RAP2A: variants seen among roughly 807,000 people sequenced by gnomAD.
RAP2A encodes RAP2A, member of RAS oncogene family.
A neutral mutation model predicts 15.1 loss-of-function variants in RAP2A; 5 were observed. That is an observed-to-expected ratio of 0.33 (90% CI 0.17 to 0.70). The LOEUF (loss-of-function observed/expected upper bound fraction) is 0.70. Ranked by LOEUF, RAP2A falls within the 30% of genes least tolerant of loss-of-function variation. The pLI is 0.68. For synonymous variants in RAP2A, 110 were observed against 99.7 expected (o/e 1.10, Z -0.62); for missense variants, 111 against 240.3 (o/e 0.46, Z 3.56).
At chr13:97,443,584 A>T (rs2066666867) in intron 1 of RAP2A, among the ~76,000 whole-genome samples, 1 of 152,012 alleles carries the variant, frequency 6.6e-6, no homozygotes, top group Non-Finnish European at 1.5e-5. Flanking sequence ...TAGAGATGGG[A>T]TCTTGTTATT....
intron 1 of RAP2A, among the ~76,000 whole-genome samples, chr13:97,459,318 C>T (rs2066736960): frequency 6.6e-6 from 1 of 151,882 alleles, no homozygotes; most frequent in East Asian, 1.9e-4. Flanking sequence ...ATGAAGGCAA[C>T]CTGCAAAACT....
At chr13:97,447,985 TC>T (rs1377124671) in intron 1 of RAP2A, among the ~76,000 whole-genome samples, 3 of 151,824 alleles carry the variant, frequency 2.0e-5, no homozygotes, top group Non-Finnish European at 4.4e-5. Context: ...TTTTTTTTTT[TC>T]TTTTTTCTTT....
At chr13:97,448,807 A>C (rs1016493662) in intron 1 of RAP2A, among the ~76,000 whole-genome samples, 41 of 152,192 alleles carry the variant, frequency 2.7e-4, no homozygotes, top group African/African-American at 9.4e-4. Flanking sequence ...GAGTTTTATT[A>C]CTTGGTGCTA....
At position 97,460,766 on chromosome 13, in the gene RAP2A, G is replaced by C. The variant is rs185085822; in HGVS notation, c.315-3439G>C. ...CAGTATATTCTCTCGAGTGCCCGCTGTTTGGGAATGCTTGCTTTTCTGCTT... is the reference window on the plus strand; with the variant it reads ...CAGTATATTCTCTCGAGTGCCCGCTCTTTGGGAATGCTTGCTTTTCTGCTT... On this transcript the variant is annotated intron_variant, in intron 1 of 1. Transcript: ENST00000245304. 7.2e-5 allele frequency among the ~76,000 whole-genome samples: 11 copies of C among 152,294 alleles called. No individual in the cohort carries two copies. In the East Asian group the frequency reaches 2.1e-3, roughly 29 times the overall value.
intron 1 of RAP2A, chr13:97,437,126 CAT>C (rs957986792): frequency 2.0e-5 from 3 of 152,150 alleles, no homozygotes; most frequent in African/African-American, 4.8e-5. Flanking sequence ...TTAAAAATAA[CAT>C]AAATATATGG....
At chr13:97,463,068 G>A (rs1439881347) in intron 1 of RAP2A, among the ~76,000 whole-genome samples, 1 of 152,064 alleles carries the variant, frequency 6.6e-6, no homozygotes, top group African/African-American at 2.4e-5. Context: ...TTGCTGTTTA[G>A]CTCCTTTAAA....
chr13:97,437,594 T>C (rs2066639854), intron 1 of RAP2A: 1 of 152,250 alleles, frequency 6.6e-6, no homozygotes, highest in African/African-American at 2.4e-5. Flanking sequence ...ACCCTTGATA[T>C]AAATGTAATT....
chr13:97,438,405 G>A (rs2066642922), intron 1 of RAP2A, among the ~76,000 whole-genome samples: 1 of 152,132 alleles, frequency 6.6e-6, no homozygotes, highest in East Asian at 1.9e-4. Flanking sequence ...CCTTTGGCCT[G>A]TGGAAATCTA....
intron 1 of RAP2A, among the ~76,000 whole-genome samples, chr13:97,445,826 A>G (rs1188864582): frequency 6.6e-6 from 1 of 152,200 alleles, no homozygotes; most frequent in Non-Finnish European, 1.5e-5. Flanking sequence ...CAGTATCTTA[A>G]TTATGGTAGG....
chr13:97,459,787 T>C (rs1046475843), intron 1 of RAP2A, among the ~76,000 whole-genome samples: 2 of 152,216 alleles, frequency 1.3e-5, no homozygotes, highest in African/African-American at 4.8e-5. Context: ...CACTTAACAC[T>C]TTTATTGTAA....
chr13:97,441,902 G>A, intron 1 of RAP2A: 1 of 268,598 alleles, frequency 3.7e-6, no homozygotes, highest in Non-Finnish European at 7.4e-6. Context: ...TAGATATTGT[G>A]TTTATGTAGG....
chr13:97,437,938 T>C (rs2066641157), intron 1 of RAP2A, among the ~76,000 whole-genome samples: 1 of 152,198 alleles, frequency 6.6e-6, no homozygotes, highest in Non-Finnish European at 1.5e-5. Context: ...AACTGACCCA[T>C]ACTCCCTTAA....
intron 1 of RAP2A, among the ~76,000 whole-genome samples, chr13:97,461,990 T>TATATATATATATATATA: frequency 7.1e-6 from 1 of 141,768 alleles, no homozygotes; most frequent in African/African-American, 2.6e-5. Flanking sequence ...ATATATATAT[T>TATATATATATATATATA]TATATATTTA....
At chr13:97,438,189 C>T (rs1311314696) in intron 1 of RAP2A, among the ~76,000 whole-genome samples, 2 of 152,154 alleles carry the variant, frequency 1.3e-5, no homozygotes, top group Non-Finnish European at 2.9e-5. Context: ...ATGCCAGGAT[C>T]AGCCATGGTC....
intron 1 of RAP2A, among the ~76,000 whole-genome samples, chr13:97,459,273 A>G (rs2066736705): frequency 6.6e-6 from 1 of 151,840 alleles, no homozygotes; most frequent in Non-Finnish European, 1.5e-5. Flanking sequence ...TAAGGAAGAA[A>G]TGATGAAAAG....
At chr13:97,435,371 AGAG>A in intron 1 of RAP2A, among the ~76,000 whole-genome samples, 1 of 151,956 alleles carries the variant, frequency 6.6e-6, no homozygotes, top group African/African-American at 2.4e-5. Context: ...GAATATTAAC[AGAG>A]GAGTACAAAT....
chr13:97,445,512 A>T (rs1010892478), intron 1 of RAP2A, among the ~76,000 whole-genome samples: 1 of 152,248 alleles, frequency 6.6e-6, no homozygotes, highest in African/African-American at 2.4e-5. Context: ...CAGTTTATGC[A>T]TAATACCAAT....
intron 1 of RAP2A, among the ~76,000 whole-genome samples, chr13:97,442,357 A>G (rs1434734071): frequency 6.6e-6 from 1 of 152,084 alleles, no homozygotes; most frequent in Non-Finnish European, 1.5e-5. Flanking sequence ...ACCAAAATTT[A>G]TATTTAGGGA....
intron 1 of RAP2A, among the ~76,000 whole-genome samples, chr13:97,457,711 A>G (rs1302699020): frequency 1.3e-5 from 2 of 152,174 alleles, no homozygotes; most frequent in Admixed American, 6.6e-5. Context: ...GTATACTTAT[A>G]TTGATATATG....
Sources: gnomAD v4.1 joint callset for allele counts (sites outside exome capture counted in the v4.1 genomes callset) on GRCh38, gnomAD v4.1.1 for gene constraint, MANE v1.5 for transcripts, NCBI Gene and HGNC (gene_info 2026-07-23, HGNC 2026-07-21) for gene names.